The following TNIK variants were observed in gnomAD, a reference collection of about 807,000 sequenced individuals.
TNIK encodes TRAF2 and NCK interacting kinase.
In TNIK, 49 loss-of-function variants were observed where a neutral mutation model predicts 191.3. The observed-to-expected ratio is 0.26, with a 90% confidence interval of 0.20 to 0.32. The LOEUF (loss-of-function observed/expected upper bound fraction) is 0.32. Ranked by LOEUF, TNIK falls within the 10% of genes least tolerant of loss-of-function variation. TNIK has a pLI of 1.00. For synonymous variants in TNIK, 594 were observed against 600.9 expected (o/e 0.99, Z 0.17); for missense variants, 1,155 against 1,702.3 (o/e 0.68, Z 5.66).
At position 171,167,175 on chromosome 3, in the gene TNIK, C is replaced by T. The variant is rs762459989; in HGVS notation, c.869G>A (p.Arg290Gln). Residue 290 changes from arginine to glutamine, a missense_variant, in exon 10 of 33, where the codon CGA (arginine) becomes CAA (glutamine). By Grantham distance (43) the Arg-to-Gln change is conservative. This residue lies in a region of TNIK where 225 missense variants were observed against 438.9 expected (regional missense o/e 0.51). Transcript: ENST00000436636. Reference protein sequence around the residue: ...TEQLMKHPFIRDQPNERQVRI... With the variant: ...TEQLMKHPFIQDQPNERQVRI... ...GACCTGTCGCTCATTAGGTTGGTCT[C>T]GTATAAATGGATGCTTCATCAATTG... 1.3e-5 allele frequency: 21 copies of T among 1,613,904 alleles called. No individual in the cohort carries two copies. The highest frequency in any genetic ancestry group is 1.7e-4 in the Middle Eastern group (1 of 6,060).
intron 1 of TNIK, among the ~76,000 whole-genome samples, chr3:171,414,604 G>T (rs576748109): frequency 6.6e-6 from 1 of 152,174 alleles, no homozygotes; most frequent in South Asian, 2.1e-4. Flanking sequence ...GCTGGAGAAG[G>T]TTCAAGAGCT....
intron 2 of TNIK, among the ~76,000 whole-genome samples, chr3:171,365,197 T>TTTTTTTTTTTTTTC (rs1224095923): frequency 9.3e-6 from 1 of 107,814 alleles, no homozygotes; most frequent in African/African-American, 3.9e-5. Context: ...TTTTTTTTTT[T>TTTTTTTTTTTTTTC]TTGAGACAGA....
chr3:171,300,338 C>T (rs1752748103), intron 2 of TNIK, among the ~76,000 whole-genome samples: 1 of 152,176 alleles, frequency 6.6e-6, no homozygotes, highest in Non-Finnish European at 1.5e-5. Flanking sequence ...TATGGTTTTG[C>T]TTCTTGCAAG....
intron 18 of TNIK, among the ~76,000 whole-genome samples, chr3:171,119,714 G>C (rs1168046416): frequency 4.0e-5 from 6 of 151,162 alleles, no homozygotes; most frequent in Admixed American, 2.6e-4. Context: ...AACAAACACT[G>C]CATGTTCTCA....
intron 21 of TNIK, among the ~76,000 whole-genome samples, chr3:171,104,639 TTAGAAACAA>T (rs758085803): frequency 3.9e-4 from 59 of 152,288 alleles, no homozygotes; most frequent in Non-Finnish European, 7.9e-4. Context: ...AGGTCCCTTT[TTAGAAACAA>T]TATAGTTTAT....
chr3:171,406,978 A>AC (rs1721778447), intron 1 of TNIK, among the ~76,000 whole-genome samples: 1 of 152,230 alleles, frequency 6.6e-6, no homozygotes, highest in African/African-American at 2.4e-5. Flanking sequence ...AAGGCCCCTC[A>AC]GGCCTGCCTG....
chr3:171,423,672 A>G (rs1321319988), intron 1 of TNIK, among the ~76,000 whole-genome samples: 1 of 152,204 alleles, frequency 6.6e-6, no homozygotes, highest in African/African-American at 2.4e-5. Context: ...CCTCAGAAAT[A>G]ATGCCACATA....
intron 25 of TNIK, 76 bp downstream of exon 25, chr3:171,085,042 G>A (rs1007812816): frequency 2.3e-5 from 27 of 1,199,028 alleles, no homozygotes; most frequent in Non-Finnish European, 3.0e-5. Flanking sequence ...ACTGAACTGA[G>A]GATTAATTTC....
At chr3:171,112,857 C>T (rs1215546838) in intron 18 of TNIK, among the ~76,000 whole-genome samples, 1 of 152,128 alleles carries the variant, frequency 6.6e-6, no homozygotes, top group Non-Finnish European at 1.5e-5. Context: ...TATTAAGGTG[C>T]TTCCAATACA....
chr3:171,301,306 T>A (rs1752852388), intron 2 of TNIK, among the ~76,000 whole-genome samples: 1 of 147,150 alleles, frequency 6.8e-6, no homozygotes, highest in African/African-American at 2.5e-5. Context: ...ATCAAACAAC[T>A]AGCTGGACTT....
At chr3:171,166,878 G>T (rs1002063832) in intron 10 of TNIK, among the ~76,000 whole-genome samples, 2 of 152,154 alleles carry the variant, frequency 1.3e-5, no homozygotes, top group South Asian at 4.1e-4. Context: ...CCTGGCAGAG[G>T]TAATGTTTCT....
At chr3:171,298,026 T>C (rs1162142772) in intron 2 of TNIK, among the ~76,000 whole-genome samples, 2 of 152,230 alleles carry the variant, frequency 1.3e-5, no homozygotes, top group Admixed American at 6.5e-5. Flanking sequence ...GAATAGTAGA[T>C]GCAAACTGCT....
chr3:171,376,053 T>TA (rs1717171885), intron 1 of TNIK, among the ~76,000 whole-genome samples: 1 of 152,148 alleles, frequency 6.6e-6, no homozygotes, highest in South Asian at 2.1e-4. Flanking sequence ...ACTCTAAACT[T>TA]ACGGGCCTTA....
chr3:171,427,117 C>T (rs75412255), intron 1 of TNIK, among the ~76,000 whole-genome samples: 2 of 152,050 alleles, frequency 1.3e-5, no homozygotes, highest in South Asian at 2.1e-4. Flanking sequence ...CTAGCTGGGC[C>T]GTAAACACAT....
intron 2 of TNIK, among the ~76,000 whole-genome samples, chr3:171,338,764 A>C (rs895213719): frequency 6.6e-6 from 1 of 151,962 alleles, no homozygotes; most frequent in African/African-American, 2.4e-5. Context: ...TGGCCTCCCA[A>C]AGTGCCGGGA....
At chr3:171,280,252 T>C (rs1454973408) in intron 2 of TNIK, among the ~76,000 whole-genome samples, 1 of 152,208 alleles carries the variant, frequency 6.6e-6, no homozygotes, top group Non-Finnish European at 1.5e-5. Context: ...GAGTCTTGAC[T>C]GAGACTCAAC....
chr3:171,386,266 C>A (rs1718715328), intron 1 of TNIK, among the ~76,000 whole-genome samples: 1 of 152,178 alleles, frequency 6.6e-6, no homozygotes, highest in Admixed American at 6.5e-5. Flanking sequence ...ATTAAATATA[C>A]CTTCCTCTGA....
At chr3:171,300,043 T>C (rs1384171630) in intron 2 of TNIK, among the ~76,000 whole-genome samples, 4 of 152,228 alleles carry the variant, frequency 2.6e-5, no homozygotes, top group African/African-American at 9.6e-5. Context: ...ATTTACAAAC[T>C]ACTAAACATC....
rs142120664 is a variant in TNIK, at chr3:171,124,630, T to G, written c.2014-928A>C. Among the ~76,000 whole-genome samples the G allele has an allele frequency of 3.3e-5, 5 of 152,350 alleles. No individual in the cohort carries two copies. In the East Asian group the frequency reaches 7.7e-4, roughly 23 times the overall value. ...AAAATTTAATTTTTATTATTCATTT[T>G]AACATAAAGATGAGTCAGTAAAGTA... On this transcript the variant is annotated intron_variant, in intron 17 of 32. Coordinates refer to ENST00000436636, the MANE Select transcript of TNIK (RefSeq NM_015028.4).
Sources: gnomAD v4.1 joint callset for allele counts (sites outside exome capture counted in the v4.1 genomes callset) on GRCh38, gnomAD v4.1.1 for gene constraint, gnomAD v4.1.1 regional missense constraint, MANE v1.5 for transcripts, NCBI Gene and HGNC (gene_info 2026-07-23, HGNC 2026-07-21) for gene names.